Variants in ZBTB20 observed in about 807,000 individuals in gnomAD.
ZBTB20 encodes the protein zinc finger and BTB domain-containing protein 20.
A neutral mutation model predicts 56.9 loss-of-function variants in ZBTB20; 9 were observed. The observed-to-expected ratio is 0.16, with a 90% confidence interval of 0.10 to 0.28. The LOEUF (loss-of-function observed/expected upper bound fraction) is 0.28, where lower values mean the gene tolerates loss of function less well. Ranked by LOEUF, ZBTB20 falls within the 10% of genes least tolerant of loss-of-function variation. The pLI, the probability that ZBTB20 is intolerant of heterozygous loss-of-function variation, is 1.00. For missense variants in ZBTB20, 655 were observed against 1,003.0 expected (o/e 0.65, Z 4.69); for synonymous variants, 417 against 420.7 (o/e 0.99, Z 0.11).
At chr3:114,683,548 G>C in intron 6 of ZBTB20, among the ~76,000 whole-genome samples, 1 of 151,224 alleles carries the variant, frequency 6.6e-6, no homozygotes, top group African/African-American at 2.4e-5. Context: ...AATAAGGATT[G>C]ACAATAATAA....
At chr3:114,648,648 A>G (rs978543713) in intron 6 of ZBTB20, among the ~76,000 whole-genome samples, 3 of 152,056 alleles carry the variant, frequency 2.0e-5, no homozygotes, top group African/African-American at 2.4e-5. Context: ...GAATAAGAGT[A>G]TAACAGAGGA....
chr3:114,488,534 T>C (rs1398859833), intron 7 of ZBTB20, among the ~76,000 whole-genome samples: 1 of 152,238 alleles, frequency 6.6e-6, no homozygotes, highest in Non-Finnish European at 1.5e-5. Context: ...ATGCATCTCA[T>C]ACCTCCAGTA....
At chr3:115,006,776 C>T (rs2079491035) in intron 2 of ZBTB20, among the ~76,000 whole-genome samples, 1 of 151,748 alleles carries the variant, frequency 6.6e-6, no homozygotes, top group African/African-American at 2.4e-5. Context: ...TAAGGCAACA[C>T]ATCTAATTCT....
intron 2 of ZBTB20, among the ~76,000 whole-genome samples, chr3:115,050,291 T>C (rs1468794832): frequency 6.6e-6 from 1 of 151,962 alleles, no homozygotes; most frequent in Non-Finnish European, 1.5e-5. Flanking sequence ...TATTATTTTA[T>C]ATGACTTTAG....
intron 6 of ZBTB20, among the ~76,000 whole-genome samples, chr3:114,532,753 T>C (rs2048004648): frequency 6.6e-6 from 1 of 152,162 alleles, no homozygotes; most frequent in African/African-American, 2.4e-5. Context: ...GGGTGGCATC[T>C]GGTGGGTGCC....
chr3:114,801,967 G>A (rs2108843651), intron 4 of ZBTB20, among the ~76,000 whole-genome samples: 1 of 151,438 alleles, frequency 6.6e-6, no homozygotes, highest in African/African-American at 2.4e-5. Context: ...TAAATATTAG[G>A]CTTAAAATAT....
chr3:115,074,879 C>A (rs1286990395), intron 1 of ZBTB20, among the ~76,000 whole-genome samples: 1 of 152,062 alleles, frequency 6.6e-6, no homozygotes, highest in Non-Finnish European at 1.5e-5. Flanking sequence ...CTCACCTCTA[C>A]CTTTTTATTT....
intron 4 of ZBTB20, among the ~76,000 whole-genome samples, chr3:114,817,782 C>CA (rs1334630645): frequency 6.6e-6 from 1 of 151,764 alleles, no homozygotes; most frequent in Non-Finnish European, 1.5e-5. Context: ...GTGTGAAATA[C>CA]AAAAAATCTA....
chr3:114,682,047 G>C (rs886365253), intron 6 of ZBTB20, among the ~76,000 whole-genome samples: 1 of 152,010 alleles, frequency 6.6e-6, no homozygotes, highest in South Asian at 2.1e-4. Context: ...AAGTAATTCT[G>C]CTTTTTAAAG....
chr3:114,972,670 A>C (rs917222634), intron 3 of ZBTB20, among the ~76,000 whole-genome samples: 3 of 152,190 alleles, frequency 2.0e-5, no homozygotes, highest in Admixed American at 6.6e-5. Context: ...TATTTAACAA[A>C]AATGGAAATT....
chr3:114,457,219 CA>C (rs1443588899), intron 7 of ZBTB20, among the ~76,000 whole-genome samples: 1 of 152,174 alleles, frequency 6.6e-6, no homozygotes, highest in Non-Finnish European at 1.5e-5. Flanking sequence ...TTATATATAA[CA>C]CTGCAAAAGT....
chr3:115,063,684 AAC>A lies in ZBTB20; in HGVS notation c.-507+7533_-507+7534del, dbSNP rs374437365. ...ACACACACACACACACACACACACA[AAC>A]ACACACACACAGTTTACCAGTTAAA... On this transcript the variant is annotated intron_variant, in intron 2 of 11. Transcript: ENST00000675478. 4.4e-3 allele frequency among the ~76,000 whole-genome samples: 551 copies of A among 126,556 alleles called. 6 individuals are homozygous for A. The highest frequency in any genetic ancestry group is 0.015 in the African/African-American group (515 of 35,152). The allele number at this position is 126,556 out of a possible 152,430, so 83.0% of individuals were successfully genotyped here. A position where few individuals can be genotyped will look rare whatever the true frequency, so the allele number is the denominator to read the frequency against.
intron 3 of ZBTB20, among the ~76,000 whole-genome samples, chr3:114,966,877 A>C (rs2077668974): frequency 6.6e-6 from 1 of 152,128 alleles, no homozygotes; most frequent in South Asian, 2.1e-4. Context: ...ACACTCAAAC[A>C]TACTGGGAAA....
At chr3:114,416,835 T>C (rs1174472673) in intron 7 of ZBTB20, among the ~76,000 whole-genome samples, 3 of 152,026 alleles carry the variant, frequency 2.0e-5, no homozygotes, top group Admixed American at 2.0e-4. Flanking sequence ...TAAGAAAATA[T>C]TGAGTTTTGT....
chr3:114,859,057 C>A (rs1356118012), intron 4 of ZBTB20, among the ~76,000 whole-genome samples: 1 of 152,068 alleles, frequency 6.6e-6, no homozygotes, highest in East Asian at 1.9e-4. Context: ...AGCCAGTCAA[C>A]TTTCAAGGTT....
chr3:114,485,972 A>G lies in ZBTB20; in HGVS notation c.-255+14380T>C, dbSNP rs182017425. ...CACATTAGGTACAAGCATTTATTTG[A>G]CATTTAAATGTAATCCCTCATTTTC... On this transcript the variant is annotated intron_variant, in intron 7 of 11. Coordinates refer to ENST00000675478, the MANE Select transcript of ZBTB20 (RefSeq NM_001348800.3). Among the ~76,000 whole-genome samples the G allele has an allele frequency of 2.8e-3, 431 of 152,256 alleles. 1 individual carries two copies. Among genetic ancestry groups the G allele is most frequent in the Non-Finnish European group, 5.2e-3 (352 of 68,014 alleles).
chr3:114,512,057 C>T (rs2045458275), intron 6 of ZBTB20, among the ~76,000 whole-genome samples: 1 of 152,066 alleles, frequency 6.6e-6, no homozygotes, highest in Non-Finnish European at 1.5e-5. Flanking sequence ...ATTCTAAAGC[C>T]TTTACTATGG....
At chr3:114,594,378 T>G (rs1270426314) in intron 6 of ZBTB20, among the ~76,000 whole-genome samples, 1 of 151,386 alleles carries the variant, frequency 6.6e-6, no homozygotes, top group Non-Finnish European at 1.5e-5. Context: ...GTGATTCCCC[T>G]GCCTCAGCCT....
At chr3:114,674,894 T>G (rs1302408510) in intron 6 of ZBTB20, among the ~76,000 whole-genome samples, 1 of 151,604 alleles carries the variant, frequency 6.6e-6, no homozygotes, top group Non-Finnish European at 1.5e-5. Flanking sequence ...AATATGGGTG[T>G]TCTGGTATAG....
Sources: allele counts gnomAD v4.1 joint callset (sites outside exome capture counted in the v4.1 genomes callset), GRCh38; gene constraint gnomAD v4.1.1; transcripts MANE v1.5; gene names NCBI Gene and HGNC (gene_info 2026-07-23, HGNC 2026-07-21).